Variants in CPXM2 observed in about 807,000 individuals in gnomAD.
CPXM2 encodes carboxypeptidase X, M14 family member 2.
A neutral mutation model predicts 86.1 loss-of-function variants in CPXM2; 66 were observed. The observed-to-expected ratio is 0.77, with a 90% CI of 0.63 to 0.94. The LOEUF (loss-of-function observed/expected upper bound fraction) is 0.94, where lower values mean the gene tolerates loss of function less well. Among genes scored for constraint, CPXM2 ranks in the 40% least tolerant of loss-of-function variants. CPXM2 has a pLI of 0.00. For missense variants in CPXM2, 948 were observed against 1,026.3 expected, an observed-to-expected ratio of 0.92 and a Z score of 1.04; for synonymous variants, 388 against 400.2, an observed-to-expected ratio of 0.97 and a Z score of 0.36.
At chr10:123,856,510 G>C (rs1351149287) in intron 3 of CPXM2, among the ~76,000 whole-genome samples, 1 of 152,196 alleles carries the variant, frequency 6.6e-6, no homozygotes, top group Admixed American at 6.5e-5. Flanking sequence ...GCCATTAGAT[G>C]ACCCACCTGA....
chr10:123,828,950 G>A (rs1848103445), intron 4 of CPXM2, among the ~76,000 whole-genome samples: 1 of 152,086 alleles, frequency 6.6e-6, no homozygotes, highest in Admixed American at 6.5e-5. Context: ...TTGACTGGGA[G>A]AAAATATTTA....
chr10:123,929,704 A>C (rs1320134037), intron 2 of CPXM2, among the ~76,000 whole-genome samples: 2 of 151,936 alleles, frequency 1.3e-5, no homozygotes, highest in African/African-American at 4.8e-5. Flanking sequence ...CCTTATTTTA[A>C]AATGGCTACC....
intron 4 of CPXM2, among the ~76,000 whole-genome samples, chr10:123,840,825 G>A (rs1293446582): frequency 6.6e-6 from 1 of 152,228 alleles, no homozygotes; most frequent in Non-Finnish European, 1.5e-5. Flanking sequence ...CAGGGACAAT[G>A]ACAGGTGGTT....
intron 2 of CPXM2, among the ~76,000 whole-genome samples, chr10:123,869,015 A>G (rs28572362): frequency 0.67 from 101,907 of 151,888 alleles, 35,083 homozygotes; most frequent in Non-Finnish European, 0.71. Context: ...AAACATTACC[A>G]AGAAAGACGG....
chr10:123,819,965 A>G (rs566704068), intron 4 of CPXM2, among the ~76,000 whole-genome samples: 1 of 152,310 alleles, frequency 6.6e-6, no homozygotes, highest in African/African-American at 2.4e-5. Flanking sequence ...AGCTGCCAGC[A>G]TGGCTAGAAT....
chr10:123,797,339 A>C (rs1218711347), intron 6 of CPXM2, among the ~76,000 whole-genome samples: 1 of 152,144 alleles, frequency 6.6e-6, no homozygotes, highest in African/African-American at 2.4e-5. Flanking sequence ...TGTTCTCCCA[A>C]ATTTCAACAT....
At chr10:123,806,761 G>C (rs544854099) in intron 4 of CPXM2, among the ~76,000 whole-genome samples, 2 of 152,206 alleles carry the variant, frequency 1.3e-5, no homozygotes, top group South Asian at 4.1e-4. Flanking sequence ...AGAGAGTACA[G>C]GAGAAACTGC....
chr10:123,846,447 C>T (rs888137378), intron 3 of CPXM2, among the ~76,000 whole-genome samples: 4 of 152,078 alleles, frequency 2.6e-5, no homozygotes, highest in African/African-American at 9.7e-5. Flanking sequence ...GAGTTCAGGC[C>T]GTAATTTGAG....
At chr10:123,853,000 A>C (rs1004064102) in intron 3 of CPXM2, among the ~76,000 whole-genome samples, 11 of 152,198 alleles carry the variant, frequency 7.2e-5, no homozygotes, top group Admixed American at 2.6e-4. Flanking sequence ...TCTCACGTCA[A>C]ATTGTAATTC....
intron 4 of CPXM2, among the ~76,000 whole-genome samples, chr10:123,812,738 C>T (rs770515818): frequency 1.1e-4 from 16 of 152,150 alleles, no homozygotes; most frequent in Non-Finnish European, 1.9e-4. Flanking sequence ...GAACTGTGCC[C>T]ATGAGGGATC....
intron 1 of CPXM2, among the ~76,000 whole-genome samples, chr10:123,889,597 C>G (rs1945234279): frequency 6.6e-6 from 1 of 152,154 alleles, no homozygotes; most frequent in African/African-American, 2.4e-5. Flanking sequence ...GGAAGACCAG[C>G]ACATAAGCGG....
chr10:123,773,396 A>ATCTCACATCCCTCGTTGTGGT (rs1291268998), intron 7 of CPXM2, among the ~76,000 whole-genome samples: 9 of 151,034 alleles, frequency 6.0e-5, no homozygotes, highest in Admixed American at 1.3e-4. Flanking sequence ...TTTGTTGTGG[A>ATCTCACATCCCTCGTTGTGGT]TCTCACTTCC....
At chr10:123,820,321 G>A (rs1431003986) in intron 4 of CPXM2, among the ~76,000 whole-genome samples, 2 of 152,164 alleles carry the variant, frequency 1.3e-5, no homozygotes, top group African/African-American at 2.4e-5. Context: ...TGAGAGAGCA[G>A]CACAGAGAAG....
intron 5 of CPXM2, 128 bp from the exon 6 acceptor site, chr10:123,798,254 A>C: frequency 1.2e-5 from 1 of 80,520 alleles, no homozygotes; most frequent in Non-Finnish European, 1.8e-5. Context: ...CATTGAAAAG[A>C]AAAAAAAAAA....
At chr10:123,910,152 C>G (rs895327775) in intron 2 of CPXM2, among the ~76,000 whole-genome samples, 1 of 152,160 alleles carries the variant, frequency 6.6e-6, no homozygotes, top group Non-Finnish European at 1.5e-5. Flanking sequence ...ACCGAGCTGG[C>G]CCACCTGCAC....
chr10:123,757,091 T>C (rs1846230908), intron 12 of CPXM2, 122 bp downstream of exon 12: 1 of 883,100 alleles, frequency 1.1e-6, no homozygotes, highest in South Asian at 1.5e-5. Context: ...CTCGCAGCAC[T>C]GTGCTGGCCC....
In CPXM2 at chr10:123,880,322, A is replaced by G. The variant is rs1042776182; in HGVS notation, c.305-13T>C. The G allele has an allele frequency of 5.1e-6, 6 of 1,172,570 alleles. No homozygotes were observed. The highest frequency in any genetic ancestry group is 5.0e-5 in the Admixed American group (3 of 59,412). 72.6% of individuals were successfully genotyped at this position (1,172,570 alleles called of 1,614,324 possible). A position where few individuals can be genotyped will look rare whatever the true frequency, so the allele number is the denominator to read the frequency against. ...TTGCTGTGTTTACCTAAAGGGGGAGAGAGAGATGCCTTTACTTTCACATAC... is the reference window on the plus strand; with the variant it reads ...TTGCTGTGTTTACCTAAAGGGGGAGGGAGAGATGCCTTTACTTTCACATAC... On this transcript the variant is annotated splice_polypyrimidine_tract_variant and intron_variant, in intron 1 of 13. Coordinates refer to ENST00000241305, the MANE Select transcript of CPXM2 (RefSeq NM_198148.3).
intron 4 of CPXM2, among the ~76,000 whole-genome samples, chr10:123,816,658 C>T (rs1487709456): frequency 6.6e-6 from 1 of 152,254 alleles, no homozygotes; most frequent in Non-Finnish European, 1.5e-5. Flanking sequence ...AACTGGTATG[C>T]AGCCATTGAC....
At chr10:123,890,611 G>A (rs531826264) in intron 1 of CPXM2, among the ~76,000 whole-genome samples, 71 of 152,338 alleles carry the variant, frequency 4.7e-4, no homozygotes, top group African/African-American at 1.6e-3. Flanking sequence ...TGGAACTAGA[G>A]AAAGCCCCAC....
Sources: allele counts gnomAD v4.1 joint callset (sites outside exome capture counted in the v4.1 genomes callset), GRCh38; gene constraint gnomAD v4.1.1; transcripts MANE v1.5; gene names NCBI Gene and HGNC (gene_info 2026-07-23, HGNC 2026-07-21).